LRP1B: variants seen among roughly 807,000 people sequenced by gnomAD.
LRP1B encodes low-density lipoprotein receptor-related protein 1B.
Under a neutral mutation model 556.6 loss-of-function variants are expected in LRP1B, and 217 were observed. That is an observed-to-expected ratio of 0.39 (90% CI 0.35 to 0.44). The LOEUF is 0.44. Among genes scored for constraint, LRP1B ranks in the 20% least tolerant of loss-of-function variants. The pLI is 1.00. For missense variants in LRP1B, 5,053 were observed against 5,620.8 expected (o/e 0.90, Z 3.23); for synonymous variants, 2,047 against 1,865.8 (o/e 1.10, Z -2.50).
intron 3 of LRP1B, among the ~76,000 whole-genome samples, chr2:141,287,793 T>C (rs1289800622): frequency 6.6e-6 from 1 of 152,218 alleles, no homozygotes; most frequent in Non-Finnish European, 1.5e-5. Flanking sequence ...TGTGTGATTG[T>C]GAATTATGCA....
At chr2:141,050,278 T>G (rs1698997602) in intron 10 of LRP1B, among the ~76,000 whole-genome samples, 1 of 151,852 alleles carries the variant, frequency 6.6e-6, no homozygotes. Context: ...TTTTCTTGTG[T>G]TTTTTAAATT....
At chr2:140,915,653 A>AAAATAAAT (rs70991117) in intron 21 of LRP1B, among the ~76,000 whole-genome samples, 10,885 of 144,928 alleles carry the variant, frequency 0.075, 483 homozygotes, top group Admixed American at 0.11. Context: ...CTTTGTCTCA[A>AAAATAAAT]AAATAAATAA....
chr2:140,678,286 CTG>C (rs1685741348), intron 41 of LRP1B, among the ~76,000 whole-genome samples: 1 of 152,084 alleles, frequency 6.6e-6, no homozygotes, highest in Admixed American at 6.5e-5. Flanking sequence ...ATATGTAAAT[CTG>C]TGTGTTTGTG....
chr2:140,814,011 G>A (rs563151073), intron 31 of LRP1B, among the ~76,000 whole-genome samples: 1 of 152,222 alleles, frequency 6.6e-6, no homozygotes, highest in South Asian at 2.1e-4. Flanking sequence ...GTCTCACTCT[G>A]TCATTTATAC....
At chr2:140,713,276 T>C (rs1420004630) in intron 37 of LRP1B, among the ~76,000 whole-genome samples, 16 of 152,138 alleles carry the variant, frequency 1.1e-4, no homozygotes, top group African/African-American at 3.9e-4. Context: ...CTCTCCAAAT[T>C]TGACCTGACT....
chr2:141,867,614 G>A (rs972923332), intron 1 of LRP1B, among the ~76,000 whole-genome samples: 5 of 152,072 alleles, frequency 3.3e-5, no homozygotes, highest in Non-Finnish European at 5.9e-5. Flanking sequence ...ATTTTTATCA[G>A]CGTTATGCTT....
chr2:140,664,457 A>T (rs575560419), intron 41 of LRP1B, among the ~76,000 whole-genome samples: 1 of 152,288 alleles, frequency 6.6e-6, no homozygotes, highest in South Asian at 2.1e-4. Flanking sequence ...CACCCTCCAA[A>T]AAAGATAAAG....
chr2:141,202,661 G>A (rs1168753283), intron 6 of LRP1B, among the ~76,000 whole-genome samples: 1 of 151,920 alleles, frequency 6.6e-6, no homozygotes, highest in Non-Finnish European at 1.5e-5. Context: ...GCATTTCTCT[G>A]GTGGTCAGTG....
chr2:141,134,020 C>G (rs55857275), intron 7 of LRP1B, among the ~76,000 whole-genome samples: 12,248 of 151,858 alleles, frequency 0.081, 816 homozygotes, highest in African/African-American at 0.18. Context: ...GACTTGATCT[C>G]TTACTCTTTT....
intron 1 of LRP1B, among the ~76,000 whole-genome samples, chr2:141,890,393 GTA>G (rs1197991875): frequency 0.023 from 2,024 of 86,942 alleles, 71 homozygotes; most frequent in African/African-American, 0.1. Context: ...CATATATAGT[GTA>G]TATATATATA....
At chr2:141,519,990 T>C (rs900471737) in intron 2 of LRP1B, among the ~76,000 whole-genome samples, 7 of 152,224 alleles carry the variant, frequency 4.6e-5, no homozygotes, top group African/African-American at 1.4e-4. Flanking sequence ...AATAGTTGTG[T>C]TATGCTGAAA....
chr2:141,277,717 C>G lies in LRP1B; in HGVS notation c.344-23076G>C, dbSNP rs2683847. 4.3e-4 allele frequency among the ~76,000 whole-genome samples: 63 copies of G among 147,142 alleles called. 1 individual carries two copies. The South Asian group carries it at 0.012, about 28-fold the overall frequency. On this transcript the variant is annotated intron_variant, in intron 3 of 90. Transcript: ENST00000389484. ...TATATGTCAGATTGGAAAAAGCTAG[C>G]CTATGACACCCAGGGAAAGAATGTG...
intron 2 of LRP1B, among the ~76,000 whole-genome samples, chr2:141,538,254 A>G (rs1161234128): frequency 6.6e-6 from 1 of 152,124 alleles, no homozygotes; most frequent in Admixed American, 6.6e-5. Context: ...ATCAAACAGC[A>G]CAAAGAGGAG....
intron 3 of LRP1B, among the ~76,000 whole-genome samples, chr2:141,435,167 C>T (rs769067264): frequency 2.0e-5 from 3 of 152,034 alleles, no homozygotes; most frequent in Non-Finnish European, 2.9e-5. Flanking sequence ...GAGAGTCAAC[C>T]CTGGGTCAAA....
rs949953251 is a variant in LRP1B at position 141,223,211 on chromosome 2, G to A, written c.850+5972C>T. 2.0e-5 allele frequency among the ~76,000 whole-genome samples: 3 copies of A among 152,052 alleles called. No homozygotes were observed. The South Asian group carries it at 6.2e-4, about 32-fold the overall frequency. ...AAGTCTCAGGATACAAAATCCATGT[G>A]CAAAAATCGCTAGTTTCCTATACAC... On this transcript the variant is annotated intron_variant, in intron 6 of 90. Coordinates refer to ENST00000389484, the MANE Select transcript of LRP1B (RefSeq NM_018557.3).
chr2:140,994,918 T>G (rs1342778172), intron 15 of LRP1B, among the ~76,000 whole-genome samples: 1 of 152,008 alleles, frequency 6.6e-6, no homozygotes, highest in Non-Finnish European at 1.5e-5. Flanking sequence ...AAGAAAATTT[T>G]CAATTTTTCT....
chr2:141,030,870 T>C (rs549476318), intron 11 of LRP1B, among the ~76,000 whole-genome samples: 129 of 152,124 alleles, frequency 8.5e-4, no homozygotes, highest in Middle Eastern at 6.8e-3. Flanking sequence ...AAGGAAGATC[T>C]GAGGTAGTCA....
rs6734074 is a variant in LRP1B at position 141,884,889 on chromosome 2, A to G, written c.83-74488T>C. Among the ~76,000 whole-genome samples, 484 of 152,308 alleles carry G rather than the reference A, an allele frequency of 3.2e-3. 2 individuals are homozygous for G. Among genetic ancestry groups the G allele is most frequent in the African/African-American group, 0.011 (471 of 41,576 alleles). ...CGGTGAATAGGAAATCAGCTGAAAA[A>G]TGATTCATCAGAAAACAAAATTTAC... On this transcript the variant is annotated intron_variant, in intron 1 of 90. Coordinates refer to ENST00000389484, the MANE Select transcript of LRP1B (RefSeq NM_018557.3).
intron 1 of LRP1B, among the ~76,000 whole-genome samples, chr2:142,045,223 T>C (rs1038908156): frequency 6.6e-6 from 1 of 151,666 alleles, no homozygotes; most frequent in Non-Finnish European, 1.5e-5. Flanking sequence ...TATTGTACCA[T>C]TCCCACAGTG....
Sources: allele counts gnomAD v4.1 joint callset (sites outside exome capture counted in the v4.1 genomes callset), GRCh38; gene constraint gnomAD v4.1.1; transcripts MANE v1.5; gene names NCBI Gene and HGNC (gene_info 2026-07-23, HGNC 2026-07-21).